LRIG1: variants seen among roughly 807,000 people sequenced by gnomAD.
The protein encoded by LRIG1 is leucine-rich repeats and immunoglobulin-like domains protein 1.
LRIG1 carries 48 observed loss-of-function variants against 99.2 expected under a neutral mutation model. The observed-to-expected ratio is 0.48, with a 90% confidence interval of 0.38 to 0.62. The LOEUF is 0.62. Ranked by LOEUF, LRIG1 falls within the 20% of genes least tolerant of loss-of-function variation. LRIG1 has a pLI of 0.00. For synonymous variants in LRIG1, 772 were observed against 596.1 expected (o/e 1.29, Z -4.30); for missense variants, 1,646 against 1,434.4 (o/e 1.15, Z -2.38).
At chr3:66,439,365 C>G (rs1469207704) in intron 3 of LRIG1, among the ~76,000 whole-genome samples, 1 of 152,228 alleles carries the variant, frequency 6.6e-6, no homozygotes, top group African/African-American at 2.4e-5. Flanking sequence ...AAGTCACATT[C>G]TAAAAAGTCC....
At chr3:66,397,691 C>T (rs1701907640) in intron 11 of LRIG1, among the ~76,000 whole-genome samples, 1 of 152,200 alleles carries the variant, frequency 6.6e-6, no homozygotes, top group Admixed American at 6.5e-5. Flanking sequence ...CTGCCTTGCT[C>T]ACAGCCCACC....
At chr3:66,390,387 A>C (rs1701570061) in intron 12 of LRIG1, among the ~76,000 whole-genome samples, 1 of 152,198 alleles carries the variant, frequency 6.6e-6, no homozygotes, top group African/African-American at 2.4e-5. Context: ...CAAAAAGAAT[A>C]AAAACAGAAA....
At chr3:66,471,468 G>A (rs1700593884) in intron 1 of LRIG1, among the ~76,000 whole-genome samples, 3 of 152,106 alleles carry the variant, frequency 2.0e-5, no homozygotes, top group Non-Finnish European at 4.4e-5. Context: ...GAACCTTGGA[G>A]CCAGGTGCTC....
intron 11 of LRIG1, among the ~76,000 whole-genome samples, chr3:66,396,061 G>A (rs2107974539): frequency 1.3e-5 from 2 of 152,334 alleles, no homozygotes; most frequent in Admixed American, 1.3e-4. Flanking sequence ...ATGTAGAAAG[G>A]GCTAAGCCTC....
chr3:66,471,788 GGATAC>G (rs1336876796), intron 1 of LRIG1, among the ~76,000 whole-genome samples: 1 of 152,124 alleles, frequency 6.6e-6, no homozygotes, highest in African/African-American at 2.4e-5. Flanking sequence ...TTAACCTGGT[GGATAC>G]ATTTGGAATC....
At chr3:66,458,910 G>A (rs769650674) in intron 2 of LRIG1, among the ~76,000 whole-genome samples, 9 of 151,632 alleles carry the variant, frequency 5.9e-5, no homozygotes, top group East Asian at 1.9e-4. Flanking sequence ...CCAGCTACCT[G>A]GGAGGCTAAG....
intron 3 of LRIG1, among the ~76,000 whole-genome samples, chr3:66,444,479 G>A (rs188825502): frequency 1.3e-4 from 19 of 151,414 alleles, no homozygotes; most frequent in Non-Finnish European, 1.8e-4. Flanking sequence ...GAAATTTACT[G>A]TCCCCCAAGG....
intron 3 of LRIG1, among the ~76,000 whole-genome samples, chr3:66,442,991 A>G (rs1703593776): frequency 6.6e-6 from 1 of 152,074 alleles, no homozygotes; most frequent in African/African-American, 2.4e-5. Context: ...GAAAGAAAAG[A>G]GAGAAGGAAA....
At chr3:66,491,959 T>C (rs1013944243) in intron 1 of LRIG1, among the ~76,000 whole-genome samples, 3 of 152,216 alleles carry the variant, frequency 2.0e-5, no homozygotes, top group Admixed American at 2.0e-4. Flanking sequence ...GCATATCAAC[T>C]GTTCCCTTAA....
intron 1 of LRIG1, among the ~76,000 whole-genome samples, chr3:66,475,815 C>G (rs907563360): frequency 2.0e-5 from 3 of 152,210 alleles, no homozygotes; most frequent in African/African-American, 7.2e-5. Flanking sequence ...GGGCATGAGA[C>G]AAATGGTAGG....
At chr3:66,457,686 TGTCTAGGGTCTCAGGACCCTA>T (rs1700261924) in intron 2 of LRIG1, among the ~76,000 whole-genome samples, 1 of 152,202 alleles carries the variant, frequency 6.6e-6, no homozygotes, top group South Asian at 2.1e-4. Context: ...CTAAGTAACT[TGTCTAGGGTCTCAGGACCCTA>T]GTAAGGGGCA....
At chr3:66,435,886 G>A (rs770725276) in intron 3 of LRIG1, among the ~76,000 whole-genome samples, 1 of 152,092 alleles carries the variant, frequency 6.6e-6, no homozygotes, top group Non-Finnish European at 1.5e-5. Flanking sequence ...CAGATGGAAA[G>A]TCTGGGGGAG....
intron 12 of LRIG1, among the ~76,000 whole-genome samples, chr3:66,392,200 T>G (rs144876740): frequency 4.7e-4 from 71 of 152,260 alleles, no homozygotes; most frequent in Non-Finnish European, 9.0e-4. Flanking sequence ...AGTCATCCAC[T>G]GATACCTGGG....
At chr3:66,446,750 A>G (rs952728549) in intron 3 of LRIG1, among the ~76,000 whole-genome samples, 2 of 152,044 alleles carry the variant, frequency 1.3e-5, no homozygotes, top group Non-Finnish European at 2.9e-5. Flanking sequence ...CTAAGAGGTC[A>G]CAGCAAAATA....
At position 66,382,390 on chromosome 3, in the gene LRIG1, C is replaced by A. The variant is rs188209530; in HGVS notation, c.2500G>T (p.Val834Phe). The A allele has an allele frequency of 9.3e-6, 15 of 1,614,080 alleles. No homozygotes were observed. The highest frequency in any genetic ancestry group is 1.3e-5 in the Non-Finnish European group (15 of 1,180,020). The change falls in exon 16 of 19, where the codon GTC becomes TTC. Residue 834 changes from valine to phenylalanine, a missense_variant. Coordinates refer to ENST00000273261, the MANE Select transcript of LRIG1 (RefSeq NM_015541.3). The part of the protein sequence containing the change: ...EYSVTNTDET[V>F]VPPDVPSYLS... ...TAGCTTGGAACATCTGGTGGCACGACGGTTTCATCTGCAAGGAGACAGAAC... is the reference window on the plus strand; with the variant it reads ...TAGCTTGGAACATCTGGTGGCACGAAGGTTTCATCTGCAAGGAGACAGAAC...
chr3:66,404,894 A>G (rs1335296279), intron 9 of LRIG1, among the ~76,000 whole-genome samples: 2 of 152,228 alleles, frequency 1.3e-5, no homozygotes, highest in Admixed American at 1.3e-4. Context: ...TACAAAGGGC[A>G]ACAGCAAATT....
At chr3:66,455,408 T>A (rs576660080) in intron 2 of LRIG1, among the ~76,000 whole-genome samples, 1 of 152,364 alleles carries the variant, frequency 6.6e-6, no homozygotes, top group South Asian at 2.1e-4. Flanking sequence ...CTACTAGAGA[T>A]GTGTATGTGT....
intron 1 of LRIG1, among the ~76,000 whole-genome samples, chr3:66,482,572 G>C (rs1338463229): frequency 6.6e-6 from 1 of 152,206 alleles, no homozygotes; most frequent in African/African-American, 2.4e-5. Flanking sequence ...TCACATGTAA[G>C]TTGGCAGCCT....
At chr3:66,401,584 T>C (rs1374014064) in intron 9 of LRIG1, 2 of 1,448,014 alleles carry the variant, frequency 1.4e-6, no homozygotes, top group Non-Finnish European at 9.2e-7. Context: ...AATCATCTTG[T>C]TGGTAGATTA....
Sources: allele counts gnomAD v4.1 joint callset (sites outside exome capture counted in the v4.1 genomes callset), GRCh38; gene constraint gnomAD v4.1.1; transcripts MANE v1.5; gene names NCBI Gene and HGNC (gene_info 2026-07-23, HGNC 2026-07-21).